The following SLC38A12 variants were observed in gnomAD, a reference collection of about 807,000 sequenced individuals.
SLC38A12 encodes putative sodium-coupled neutral amino acid transporter 12.
chr17:74,793,662 G>A, the SLC38A12 span, among the ~76,000 whole-genome samples: 2 of 152,212 alleles, frequency 1.3e-5, no homozygotes, highest in African/African-American at 4.8e-5. Flanking sequence ...TGGGAGTGGG[G>A]CGGGGGACAA....
the SLC38A12 span, among the ~76,000 whole-genome samples, chr17:74,808,308 G>C: frequency 2.6e-5 from 4 of 152,230 alleles, no homozygotes; most frequent in Non-Finnish European, 4.4e-5. Flanking sequence ...AGAGGAACTG[G>C]GTGCTCTAAA....
chr17:74,837,000 C>G, the SLC38A12 span: 1 of 1,165,908 alleles, frequency 8.6e-7, no homozygotes, highest in African/African-American at 1.6e-5. This position sits in a 1 kb window ranked among gnomAD's most constrained non-coding sequence, Gnocchi z 4.2. Context: ...ACCCCCAACC[C>G]TACTTCCAGG....
At chr17:74,785,152 C>T in the SLC38A12 span, among the ~76,000 whole-genome samples, 118 of 152,158 alleles carry the variant, frequency 7.8e-4, 2 homozygotes, top group Non-Finnish European at 2.8e-4. Flanking sequence ...TGCTCTGTCC[C>T]CGGGAAGCCT....
chr17:74,787,985 G>A, the SLC38A12 span, among the ~76,000 whole-genome samples: 24 of 152,018 alleles, frequency 1.6e-4, no homozygotes, highest in South Asian at 8.3e-4. Context: ...TAGTACAGAC[G>A]AAGTTTCACC....
chr17:74,816,442 G>A, the SLC38A12 span, among the ~76,000 whole-genome samples: 19 of 152,318 alleles, frequency 1.2e-4, no homozygotes, highest in Non-Finnish European at 1.9e-4. Flanking sequence ...ACTGCAGAAC[G>A]TTCTAAAAGA....
the SLC38A12 span, among the ~76,000 whole-genome samples, chr17:74,782,258 G>T: frequency 6.6e-6 from 1 of 152,110 alleles, no homozygotes; most frequent in East Asian, 1.9e-4. Context: ...AGTAGAGATG[G>T]AGTTTTACTA....
the SLC38A12 span, among the ~76,000 whole-genome samples, chr17:74,817,261 C>T: frequency 2.0e-5 from 3 of 152,124 alleles, no homozygotes; most frequent in African/African-American, 7.2e-5. Flanking sequence ...GCAGTCTGTG[C>T]GTGTTTGCTG....
At chr17:74,798,783 G>C in the SLC38A12 span, among the ~76,000 whole-genome samples, 2 of 148,188 alleles carry the variant, frequency 1.3e-5, no homozygotes, top group African/African-American at 4.9e-5. Flanking sequence ...AATCAAATGG[G>C]AATGTGTGAG....
the SLC38A12 span, among the ~76,000 whole-genome samples, chr17:74,793,831 C>A: frequency 6.6e-6 from 1 of 152,158 alleles, no homozygotes; most frequent in South Asian, 2.1e-4. Context: ...AGTGCCGAGG[C>A]CTCTTGGGTC....
At chr17:74,819,771 G>A in the SLC38A12 span, 26 of 1,614,076 alleles carry the variant, frequency 1.6e-5, no homozygotes, top group Non-Finnish European at 2.0e-5. Context: ...TCTCCTCCTC[G>A]GACCGTTCAC....
chr17:74,838,560 C>G, the SLC38A12 span: 5 of 1,168,070 alleles, frequency 4.3e-6, no homozygotes, highest in Non-Finnish European at 5.3e-6. Context: ...GCCATGGAGT[C>G]GGTGGCCGTG....
At chr17:74,791,047 T>C in the SLC38A12 span, 1 of 1,612,580 alleles carries the variant, frequency 6.2e-7, no homozygotes, top group Non-Finnish European at 8.5e-7. Context: ...GTAGAAGTTC[T>C]TTTGGGGGTG....
the SLC38A12 span, chr17:74,777,162 G>A: frequency 2.7e-6 from 2 of 730,102 alleles, no homozygotes; most frequent in East Asian, 2.7e-5. Flanking sequence ...GGCCCTAAGT[G>A]TCTGTGATAA....
the SLC38A12 span, among the ~76,000 whole-genome samples, chr17:74,814,697 G>A: frequency 2.6e-5 from 4 of 152,110 alleles, no homozygotes; most frequent in Non-Finnish European, 5.9e-5. Flanking sequence ...GCAAGACTGG[G>A]GCTGCCCCTT....
chr17:74,806,848 G>A, the SLC38A12 span, among the ~76,000 whole-genome samples: 3 of 152,114 alleles, frequency 2.0e-5, no homozygotes, highest in Non-Finnish European at 4.4e-5. Context: ...CATCATGTTA[G>A]GAGTGTCCCG....
chr17:74,789,845 CAAA>C, the SLC38A12 span, among the ~76,000 whole-genome samples: 18 of 47,424 alleles, frequency 3.8e-4, no homozygotes, highest in African/African-American at 1.2e-3. Context: ...AACTTCGTCT[CAAA>C]AAAAAAAAAA....
At chr17:74,803,736 C>T in the SLC38A12 span, among the ~76,000 whole-genome samples, 2 of 152,284 alleles carry the variant, frequency 1.3e-5, no homozygotes, top group African/African-American at 4.8e-5. Context: ...AGAAGCTGAG[C>T]CCCGGGCAGA....
At chr17:74,803,953 T>A in the SLC38A12 span, among the ~76,000 whole-genome samples, 1 of 152,360 alleles carries the variant, frequency 6.6e-6, no homozygotes, top group South Asian at 2.1e-4. Context: ...AAAAACTCCA[T>A]AGTCTGTGGA....
chr17:74,794,700 C>T, the SLC38A12 span, among the ~76,000 whole-genome samples: 1 of 152,090 alleles, frequency 6.6e-6, no homozygotes, highest in Non-Finnish European at 1.5e-5. Context: ...CTCCTCCCAC[C>T]CCAGCCATGC....
Sources: gnomAD v4.1 joint callset for allele counts (sites outside exome capture counted in the v4.1 genomes callset) on GRCh38, gnomAD v4.1.1 for gene constraint, Gnocchi (gnomAD v3.1) non-coding constraint, MANE v1.5 for transcripts, NCBI Gene and HGNC (gene_info 2026-07-23, HGNC 2026-07-21) for gene names.